The following TMEM132B variants were observed in gnomAD, a reference collection of about 807,000 sequenced individuals.
TMEM132B encodes the protein transmembrane protein 132B.
A neutral mutation model predicts 90.8 loss-of-function variants in TMEM132B; 18 were observed. The observed-to-expected ratio is 0.20, with a 90% CI of 0.14 to 0.29. TMEM132B has a LOEUF of 0.29. TMEM132B is among the 10% of genes least tolerant of loss of function. The pLI, the probability that TMEM132B is intolerant of heterozygous loss-of-function variation, is 1.00. For missense variants in TMEM132B, 1,096 were observed against 1,326.8 expected, an observed-to-expected ratio of 0.83 and a Z score of 2.70; for synonymous variants, 504 against 523.3, an observed-to-expected ratio of 0.96 and a Z score of 0.50.
chr12:125,538,978 C>T (rs1883885010), intron 4 of TMEM132B, among the ~76,000 whole-genome samples: 1 of 152,198 alleles, frequency 6.6e-6, no homozygotes, highest in Non-Finnish European at 1.5e-5. Context: ...ACTGCCAGCA[C>T]CCGAGCCCAG....
chr12:125,654,290 C>T lies in TMEM132B; in HGVS notation c.2832C>T (p.Ile944=), dbSNP rs371881703. 6.2e-7 allele frequency: 1 copy of T among 1,613,474 alleles called. No individual in the cohort carries two copies. The highest frequency in any genetic ancestry group is 1.1e-5 in the South Asian group (1 of 91,048). The change falls in exon 9 of 9, where the codon ATC becomes ATT. Residue 944 remains isoleucine, a synonymous_variant. Transcript: ENST00000682704. This position sits in a 1 kb window ranked among gnomAD's most constrained non-coding sequence, Gnocchi z 5.8. ...KRFAVSEQGN[I]PHSHDWVWLG... ...TTGCTGTGAGTGAGCAGGGCAACAT[C>T]CCCCATTCCCACGACTGGGTCTGGC...
At chr12:125,226,615 G>T (rs1052474532) in intron 1 of TMEM132B, among the ~76,000 whole-genome samples, 27 of 152,372 alleles carry the variant, frequency 1.8e-4, no homozygotes, top group African/African-American at 5.3e-4. Context: ...ACAGTGGTAA[G>T]AGGTTAGCTT....
intron 4 of TMEM132B, among the ~76,000 whole-genome samples, chr12:125,527,185 TCCATCC>T (rs1883496623): frequency 1.2e-5 from 1 of 83,446 alleles, no homozygotes; most frequent in Non-Finnish European, 2.4e-5. Context: ...CTTCCATCCA[TCCATCC>T]ACCCATCCAC....
intron 3 of TMEM132B, among the ~76,000 whole-genome samples, chr12:125,477,498 A>C (rs1442455809): frequency 6.7e-6 from 1 of 150,136 alleles, no homozygotes; most frequent in Non-Finnish European, 1.5e-5. Context: ...TCAAAGAAAA[A>C]ATTCCGTAAT....
chr12:125,643,705 G>T (rs1449552024), intron 5 of TMEM132B, among the ~76,000 whole-genome samples: 1 of 152,130 alleles, frequency 6.6e-6, no homozygotes, highest in Non-Finnish European at 1.5e-5. Context: ...TGCATCTTCA[G>T]ATATGGTGCA....
At chr12:125,211,039 C>G (rs540753745) in intron 1 of TMEM132B, among the ~76,000 whole-genome samples, 12 of 151,886 alleles carry the variant, frequency 7.9e-5, no homozygotes, top group African/African-American at 2.9e-4. Context: ...CCATTGCACT[C>G]CAGCCTGGGC....
intron 1 of TMEM132B, among the ~76,000 whole-genome samples, chr12:125,238,379 A>C (rs1336327419): frequency 6.8e-6 from 1 of 147,074 alleles, no homozygotes; most frequent in African/African-American, 2.5e-5. Flanking sequence ...AAAAAAAACA[A>C]AAAAAAACCA....
At chr12:125,500,623 CAT>C (rs1882671815) in intron 3 of TMEM132B, among the ~76,000 whole-genome samples, 1 of 152,112 alleles carries the variant, frequency 6.6e-6, no homozygotes, top group South Asian at 2.1e-4. Flanking sequence ...TGGATAAAAA[CAT>C]GTGAAATGGA....
chr12:125,257,355 G>A (rs921973180), intron 1 of TMEM132B, among the ~76,000 whole-genome samples: 7 of 152,162 alleles, frequency 4.6e-5, no homozygotes, highest in African/African-American at 9.7e-5. Flanking sequence ...TGTTTCTACC[G>A]TTGGTCAGTG....
chr12:125,645,470 T>C (rs879772847), intron 6 of TMEM132B, among the ~76,000 whole-genome samples: 2 of 152,212 alleles, frequency 1.3e-5, no homozygotes, highest in Non-Finnish European at 2.9e-5. Flanking sequence ...AACGTGATGA[T>C]GTACTGCTGG....
At chr12:125,255,424 C>T (rs1874417634) in intron 1 of TMEM132B, among the ~76,000 whole-genome samples, 1 of 152,194 alleles carries the variant, frequency 6.6e-6, no homozygotes, top group African/African-American at 2.4e-5. Flanking sequence ...ATTATCAGTT[C>T]TGTCTTTGAT....
At chr12:125,224,336 G>A (rs773426751) in intron 1 of TMEM132B, among the ~76,000 whole-genome samples, 1 of 152,136 alleles carries the variant, frequency 6.6e-6, no homozygotes, top group South Asian at 2.1e-4. Flanking sequence ...TGGAATTGCC[G>A]GGTCATAGGG....
intron 1 of TMEM132B, among the ~76,000 whole-genome samples, chr12:125,332,767 CTT>C (rs1876824912): frequency 1.3e-5 from 2 of 152,020 alleles, no homozygotes; most frequent in Non-Finnish European, 2.9e-5. Context: ...AGTGGCTTCT[CTT>C]TGCAACAGCC....
intron 1 of TMEM132B, among the ~76,000 whole-genome samples, chr12:125,299,550 A>AG (rs1301037895): frequency 6.6e-6 from 1 of 152,138 alleles, no homozygotes; most frequent in Non-Finnish European, 1.5e-5. Context: ...GGAGCTCCCT[A>AG]GAGCCTTCAG....
chr12:125,242,378 T>A (rs1874091630), intron 1 of TMEM132B, among the ~76,000 whole-genome samples: 1 of 152,216 alleles, frequency 6.6e-6, no homozygotes, highest in Non-Finnish European at 1.5e-5. Flanking sequence ...CTTGAACTCC[T>A]GAACTCAAGC....
intron 5 of TMEM132B, among the ~76,000 whole-genome samples, chr12:125,622,170 TGTTGA>T (rs1194220853): frequency 6.6e-6 from 1 of 152,154 alleles, no homozygotes; most frequent in African/African-American, 2.4e-5. Context: ...GGGATTTAGT[TGTTGA>T]GTTAACTCCC....
chr12:125,187,530 C>T (rs1041253900), intron 1 of TMEM132B, among the ~76,000 whole-genome samples: 1 of 152,252 alleles, frequency 6.6e-6, no homozygotes, highest in Non-Finnish European at 1.5e-5. Context: ...TAGCCGCGGC[C>T]AAGCAGTCCA....
intron 2 of TMEM132B, among the ~76,000 whole-genome samples, chr12:125,409,621 A>AGGAGT (rs1313496185): frequency 0.047 from 2,285 of 48,616 alleles, 441 homozygotes; most frequent in African/African-American, 0.14. Context: ...AGTGGAGTGG[A>AGGAGT]GGAGTGGAGT....
intron 1 of TMEM132B, among the ~76,000 whole-genome samples, chr12:125,222,274 C>T (rs1034264571): frequency 6.6e-6 from 1 of 152,074 alleles, no homozygotes; most frequent in African/African-American, 2.4e-5. Context: ...TTTCTTCCCT[C>T]AAGGACTCAA....
Sources: allele counts gnomAD v4.1 joint callset (sites outside exome capture counted in the v4.1 genomes callset), GRCh38; gene constraint gnomAD v4.1.1; non-coding constraint Gnocchi (gnomAD v3.1); transcripts MANE v1.5; gene names NCBI Gene and HGNC (gene_info 2026-07-23, HGNC 2026-07-21).